C1GALT1: variants seen among roughly 807,000 people sequenced by gnomAD.
C1GALT1 encodes the protein glycoprotein-N-acetylgalactosamine 3-beta-galactosyltransferase 1.
Under a neutral mutation model 31.0 loss-of-function variants are expected in C1GALT1, and 11 were observed. That is an observed-to-expected ratio of 0.36 (90% CI 0.22 to 0.59). The LOEUF (loss-of-function observed/expected upper bound fraction) is 0.59, where lower values mean the gene tolerates loss of function less well. C1GALT1 is among the 20% of genes least tolerant of loss of function. The pLI, the probability that C1GALT1 is intolerant of heterozygous loss-of-function variation, is 0.79. For synonymous variants in C1GALT1, 175 were observed against 143.6 expected (o/e 1.22, Z -1.56); for missense variants, 424 against 425.2 (o/e 1.00, Z 0.03).
At chr7:7,177,279 A>G (rs1780514131) in intron 2 of C1GALT1, among the ~76,000 whole-genome samples, 2 of 152,216 alleles carry the variant, frequency 1.3e-5, no homozygotes, top group Admixed American at 1.3e-4. Flanking sequence ...TGCATTGTTA[A>G]TAATTGCCTC....
At chr7:7,227,395 T>C (rs1479081183) in intron 1 of C1GALT1, among the ~76,000 whole-genome samples, 1 of 151,986 alleles carries the variant, frequency 6.6e-6, no homozygotes, top group African/African-American at 2.4e-5. Context: ...ACTTAATGGG[T>C]TATCATGGGA....
chr7:7,220,247 T>C (rs771696063), intron 1 of C1GALT1, among the ~76,000 whole-genome samples: 3 of 152,190 alleles, frequency 2.0e-5, no homozygotes, highest in Non-Finnish European at 4.4e-5. Context: ...TTATGGTAAA[T>C]TAATTTAAAG....
At position 7,244,259 on chromosome 7, in the gene C1GALT1, T is replaced by G. The variant is rs1161988932; in HGVS notation, c.*532T>G. The G allele has an allele frequency of 6.6e-6, 1 of 152,218 alleles. No homozygotes were observed. Among genetic ancestry groups the G allele is most frequent in the Non-Finnish European group, 1.5e-5 (1 of 68,000 alleles). The allele number at this position is 152,218 out of a possible 1,614,324, so 9.4% of individuals were successfully genotyped here. A position where few individuals can be genotyped will look rare whatever the true frequency, so the allele number is the denominator to read the frequency against. On this transcript the variant is annotated 3_prime_UTR_variant, in exon 4 of 4. Transcript: ENST00000436587. The stretch of plus-strand genomic sequence containing the variant: ...TGTCTAATGAAAATGTTGCTGTGAT[T>G]ATTTATAATTGGTAGTATTTCTTCC...
At position 7,243,619 on chromosome 7, in the gene C1GALT1, A is replaced by G. The variant is rs768329939; in HGVS notation, c.984A>G (p.Pro328=). Residue 328 remains proline, a synonymous_variant, in exon 4 of 4, where the codon CCA becomes CCG. Transcript: ENST00000436587. Reference sequence around the variant, plus strand: ...AATACCTCGTTTATCATCTTCGTCCATATGGTTATTTATACAGATATCAAC... The same window carrying G: ...AATACCTCGTTTATCATCTTCGTCCGTATGGTTATTTATACAGATATCAAC... ...ELEYLVYHLR[P]YGYLYRYQPT... is the part of the protein sequence containing the mutation. The G allele has an allele frequency of 9.9e-6, 16 of 1,612,724 alleles. No individual in the cohort carries two copies. In the South Asian group the frequency reaches 1.1e-4, roughly 11 times the overall value.
At chr7:7,165,179 C>G (rs1780377979) in intron 2 of C1GALT1, among the ~76,000 whole-genome samples, 1 of 152,108 alleles carries the variant, frequency 6.6e-6, no homozygotes. Flanking sequence ...AACTGAAAGA[C>G]AGAAGGCAGG....
intron 2 of C1GALT1, among the ~76,000 whole-genome samples, chr7:7,158,782 T>C (rs914242284): frequency 1.3e-4 from 20 of 152,210 alleles, no homozygotes; most frequent in Admixed American, 3.9e-4. Context: ...TTTTGGATAA[T>C]GTTATGACCT....
At chr7:7,230,032 T>C (rs1782992938) in intron 1 of C1GALT1, among the ~76,000 whole-genome samples, 1 of 152,210 alleles carries the variant, frequency 6.6e-6, no homozygotes, top group African/African-American at 2.4e-5. Flanking sequence ...TACTGTGCTG[T>C]TCCTTCACCT....
At chr7:7,231,665 A>G (rs1325636737) in intron 1 of C1GALT1, among the ~76,000 whole-genome samples, 1 of 152,132 alleles carries the variant, frequency 6.6e-6, no homozygotes, top group Non-Finnish European at 1.5e-5. Context: ...AAAAATATGA[A>G]AATCTTATTT....
At chr7:7,211,471 A>G (rs552636771) in intron 1 of C1GALT1, among the ~76,000 whole-genome samples, 2 of 152,332 alleles carry the variant, frequency 1.3e-5, no homozygotes, top group South Asian at 2.1e-4. Context: ...GTCAGTAACT[A>G]TTATTCCTGC....
intron 2 of C1GALT1, among the ~76,000 whole-genome samples, chr7:7,161,996 A>G (rs923142846): frequency 6.6e-6 from 1 of 151,976 alleles, no homozygotes; most frequent in Non-Finnish European, 1.5e-5. Context: ...ATTGATCAGC[A>G]TGGTGAAATG....
upstream of C1GALT1, among the ~76,000 whole-genome samples, chr7:7,181,234 A>ATTGCGGAAAGGTGGAAGGATG (rs1562555720): frequency 3.7e-4 from 55 of 149,708 alleles, no homozygotes; most frequent in Non-Finnish European, 6.1e-4. Context: ...GTGGAAGGAT[A>ATTGCGGAAAGGTGGAAGGATG]TTGCGGAAAG....
At chr7:7,160,316 A>G (rs1780320472) in intron 2 of C1GALT1, among the ~76,000 whole-genome samples, 1 of 151,666 alleles carries the variant, frequency 6.6e-6, no homozygotes, top group African/African-American at 2.4e-5. Flanking sequence ...TCTCTCTTGA[A>G]CCTCCACCTT....
chr7:7,183,352 C>G (rs1050779732), intron 1 of C1GALT1, among the ~76,000 whole-genome samples: 1 of 152,200 alleles, frequency 6.6e-6, no homozygotes, highest in Non-Finnish European at 1.5e-5. Context: ...CGGGCTCCTT[C>G]CAGAGGTGCC....
At chr7:7,165,005 G>T (rs952661764) in intron 2 of C1GALT1, among the ~76,000 whole-genome samples, 3 of 152,148 alleles carry the variant, frequency 2.0e-5, no homozygotes, top group Admixed American at 1.3e-4. Context: ...GATTAACCTT[G>T]CCTGTCAACT....
At chr7:7,195,901 A>G (rs1347652349) in intron 1 of C1GALT1, among the ~76,000 whole-genome samples, 6 of 152,096 alleles carry the variant, frequency 3.9e-5, no homozygotes, top group Non-Finnish European at 5.9e-5. Flanking sequence ...CTGTTGGACA[A>G]GGCCTTTTGT....
intron 1 of C1GALT1, among the ~76,000 whole-genome samples, chr7:7,228,486 T>G (rs1387194425): frequency 6.6e-6 from 1 of 152,242 alleles, no homozygotes; most frequent in African/African-American, 2.4e-5. Flanking sequence ...GTGGTTAAGC[T>G]GTGTCTTTTT....
chr7:7,169,237 T>C (rs1054424617), intron 2 of C1GALT1, among the ~76,000 whole-genome samples: 3 of 152,242 alleles, frequency 2.0e-5, no homozygotes, highest in Non-Finnish European at 4.4e-5. Context: ...GTATAAAATA[T>C]TTTGTTTATC....
At chr7:7,198,546 C>T (rs1253778282) in intron 1 of C1GALT1, among the ~76,000 whole-genome samples, 1 of 152,154 alleles carries the variant, frequency 6.6e-6, no homozygotes, top group Non-Finnish European at 1.5e-5. Flanking sequence ...ATGCTGGCCT[C>T]ATAAAATGAG....
chr7:7,180,819 C>T (rs920548409), upstream of C1GALT1, among the ~76,000 whole-genome samples: 5 of 151,830 alleles, frequency 3.3e-5, no homozygotes, highest in African/African-American at 7.3e-5. Flanking sequence ...CAGCCTTCAG[C>T]CCAGTTATTC....
Sources: allele counts gnomAD v4.1 joint callset (sites outside exome capture counted in the v4.1 genomes callset), GRCh38; gene constraint gnomAD v4.1.1; transcripts MANE v1.5; gene names NCBI Gene and HGNC (gene_info 2026-07-23, HGNC 2026-07-21).